The following CCDC141 variants were observed in gnomAD, a reference collection of about 807,000 sequenced individuals.
CCDC141 encodes coiled-coil domain containing 141.
Under a neutral mutation model 181.0 loss-of-function variants are expected in CCDC141, and 168 were observed. The ratio of observed to expected loss-of-function variants is 0.93; its 90% CI spans 0.82 to 1.05. The LOEUF is 1.05. Among genes scored for constraint, CCDC141 ranks in the 50% least tolerant of loss-of-function variants. The pLI, the probability that CCDC141 is intolerant of heterozygous loss-of-function variation, is 0.00. For missense variants in CCDC141, 1,902 were observed against 1,788.5 expected (o/e 1.06, Z -1.14); for synonymous variants, 666 against 642.3 (o/e 1.04, Z -0.56).
chr2:178,986,740 C>T (rs1161827564), intron 2 of CCDC141, among the ~76,000 whole-genome samples: 1 of 151,836 alleles, frequency 6.6e-6, no homozygotes, highest in African/African-American at 2.4e-5. Context: ...GAATAAAATA[C>T]CTAGGAATCC....
At chr2:179,011,441 G>A (rs188567725) in intron 2 of CCDC141, among the ~76,000 whole-genome samples, 4 of 152,164 alleles carry the variant, frequency 2.6e-5, no homozygotes, top group South Asian at 4.2e-4. Context: ...AAACATACAC[G>A]TACCTAACAT....
intron 2 of CCDC141, among the ~76,000 whole-genome samples, chr2:179,006,680 C>T (rs1240464160): frequency 2.0e-5 from 3 of 152,168 alleles, no homozygotes; most frequent in East Asian, 3.9e-4. Flanking sequence ...CCAGGGTTGG[C>T]GAGAGACATA....
At chr2:178,848,453 A>G (rs1454369645) in intron 21 of CCDC141, among the ~76,000 whole-genome samples, 3 of 152,192 alleles carry the variant, frequency 2.0e-5, no homozygotes, top group African/African-American at 4.8e-5. Flanking sequence ...ACTCCTGACT[A>G]CTGCAAAAGA....
chr2:178,935,827 T>C (rs1321546782), intron 6 of CCDC141, among the ~76,000 whole-genome samples: 1 of 152,200 alleles, frequency 6.6e-6, no homozygotes, highest in African/African-American at 2.4e-5. Flanking sequence ...TGGTTTTTAT[T>C]TGTATTTCTC....
chr2:179,049,844 A>T lies in CCDC141; in HGVS notation c.98T>A (p.Ile33Lys). Residue 33 changes from isoleucine (I) to lysine (K), a missense_variant, in exon 1 of 24, where the codon ATA becomes AAA. By Grantham distance (102) the Ile-to-Lys change is moderately radical. Coordinates refer to ENST00000443758, the MANE Select transcript of CCDC141 (RefSeq NM_173648.4). ...AGDSKIVIAV[I>K]KCGKWVQLQL... ...AAAAGGAAGTTGTTAGCTTACCTTT[A>T]TGACAGCTATAACGATTTTGGAGTC... 1 of 1,550,776 alleles carries T rather than the reference A, an allele frequency of 6.4e-7. No homozygotes were observed. Among genetic ancestry groups the T allele is most frequent in the South Asian group, 1.2e-5 (1 of 84,062 alleles).
rs1437228780 is a variant in CCDC141 at position 178,888,523 on chromosome 2, C to T, written c.1407+4G>A. On this transcript the variant is annotated splice_donor_region_variant and intron_variant, in intron 9 of 23. Transcript: ENST00000443758. ...GATATTTAAGTTTTAGTTTACGAAA[C>T]TACCTTCCGTAGGTAACCCTCCACT... 1 of 1,549,972 alleles carries T rather than the reference C, an allele frequency of 6.5e-7. No individual in the cohort carries two copies.
intron 6 of CCDC141, among the ~76,000 whole-genome samples, chr2:178,925,665 A>G (rs989864962): frequency 7.2e-5 from 11 of 152,104 alleles, no homozygotes; most frequent in Admixed American, 3.9e-4. Context: ...GTTCCTATTA[A>G]TCACGTTTTC....
chr2:178,898,422 T>A (rs1409426711), intron 8 of CCDC141, among the ~76,000 whole-genome samples: 1 of 152,198 alleles, frequency 6.6e-6, no homozygotes, highest in Non-Finnish European at 1.5e-5. Flanking sequence ...CAGTCTCAGT[T>A]ATTCTTCTAC....
intron 2 of CCDC141, among the ~76,000 whole-genome samples, chr2:179,042,495 G>A (rs961063001): frequency 1.1e-4 from 17 of 151,950 alleles, no homozygotes; most frequent in African/African-American, 3.1e-4. Context: ...TTACAGGCAC[G>A]CACCACTACA....
At chr2:178,995,377 T>A (rs1274057821) in intron 2 of CCDC141, among the ~76,000 whole-genome samples, 2 of 152,134 alleles carry the variant, frequency 1.3e-5, no homozygotes, top group Non-Finnish European at 2.9e-5. Context: ...TAAGACTTAT[T>A]CACTATCATG....
chr2:178,848,527 A>G (rs1336817768), intron 21 of CCDC141, among the ~76,000 whole-genome samples: 1 of 152,206 alleles, frequency 6.6e-6, no homozygotes, highest in African/African-American at 2.4e-5. Flanking sequence ...CTGAGGGTGT[A>G]AGGAATGGAG....
At chr2:178,954,823 C>CA (rs1690092481) in intron 5 of CCDC141, among the ~76,000 whole-genome samples, 1 of 150,178 alleles carries the variant, frequency 6.7e-6, no homozygotes. Context: ...AAAAAAAAAA[C>CA]CAAAAAACTT....
chr2:178,915,668 A>G (rs1688413717), intron 7 of CCDC141: 1 of 150,920 alleles, frequency 6.6e-6, no homozygotes, highest in Non-Finnish European at 1.5e-5. Flanking sequence ...GCCGGGAGAG[A>G]AAATTCTTCA....
At position 178,847,050 on chromosome 2, in the gene CCDC141, C is replaced by T. The variant is rs144921979; in HGVS notation, c.3358-1308G>A. The stretch of plus-strand genomic sequence containing the variant: ...GTGCTGGTAAGCATTCTTTGGGAAG[C>T]GTTTGTTGCGGCTGTAACTCATAAA... On this transcript the variant is annotated intron_variant, in intron 21 of 23. Transcript: ENST00000443758. Among the ~76,000 whole-genome samples the T allele has an allele frequency of 1.8e-3, 274 of 152,254 alleles. 3 individuals carry two copies. The highest frequency in any genetic ancestry group is 6.0e-3 in the African/African-American group (249 of 41,548).
chr2:179,049,917 C>A lies in CCDC141; in HGVS notation c.25G>T (p.Val9Phe), dbSNP rs1055993470. The part of the protein sequence containing the change: MSSQGSPS[V>F]ALSTTTVSSV... ...CTGACTGTCGTCGTAGAAAGCGCAA[C>A]ACTAGGACTTCCTTGGCTGGACATG... The change falls in exon 1 of 24, where the codon GTT becomes TTT. Residue 9 changes from valine (V) to phenylalanine (F), a missense_variant. Transcript: ENST00000443758. 1.9e-6 allele frequency: 3 copies of A among 1,550,558 alleles called. No individual in the cohort carries two copies. The African/African-American group carries it at 4.1e-5, about 21-fold the overall frequency.
rs1691231209 is a variant in CCDC141 at position 178,978,669 on chromosome 2, C to T, written c.232G>A (p.Glu78Lys). 5 of 1,534,024 alleles carry T rather than the reference C, an allele frequency of 3.3e-6. No homozygotes were observed. The highest frequency in any genetic ancestry group is 4.4e-6 in the Non-Finnish European group (5 of 1,139,950). Residue 78 changes from glutamate (E) to lysine (K), a missense_variant, in exon 3 of 24, where the codon GAA (glutamate) becomes AAA (lysine). Coordinates refer to ENST00000443758, the MANE Select transcript of CCDC141 (RefSeq NM_173648.4). ...TGCAAGAGTTCCCATACCCGATCTTCCAAAGCCTAAGTACAAAAGAAAAAG... is the reference window on the plus strand; with the variant it reads ...TGCAAGAGTTCCCATACCCGATCTTTCAAAGCCTAAGTACAAAAGAAAAAG... ...ELLLAKLKAL[E>K]DRVWELLQEA...
chr2:179,015,067 G>GATAT (rs1177070237), intron 2 of CCDC141, among the ~76,000 whole-genome samples: 588 of 39,472 alleles, frequency 0.015, 9 homozygotes, highest in Admixed American at 0.017. Context: ...GAGAGACAGA[G>GATAT]ATATATATAT....
chr2:178,928,707 AT>A (rs1688995437), intron 6 of CCDC141, among the ~76,000 whole-genome samples: 1 of 152,210 alleles, frequency 6.6e-6, no homozygotes, highest in Admixed American at 6.5e-5. Context: ...ATAGAGCACA[AT>A]GTTCTTTATT....
intron 2 of CCDC141, among the ~76,000 whole-genome samples, chr2:179,028,871 C>T (rs577123338): frequency 2.0e-5 from 3 of 152,238 alleles, no homozygotes; most frequent in African/African-American, 7.2e-5. Context: ...CATTCAAGTC[C>T]ATCCCACATA....
Sources: gnomAD v4.1 joint callset for allele counts (sites outside exome capture counted in the v4.1 genomes callset) on GRCh38, gnomAD v4.1.1 for gene constraint, MANE v1.5 for transcripts, NCBI Gene and HGNC (gene_info 2026-07-23, HGNC 2026-07-21) for gene names.